SEC14L1: variants seen among roughly 807,000 people sequenced by gnomAD.
The protein encoded by SEC14L1 is SEC14 like lipid binding 1, also known as SEC14-like protein 1.
In SEC14L1, 48 loss-of-function variants were observed where a neutral mutation model predicts 85.3. The observed-to-expected ratio is 0.56, with a 90% CI of 0.45 to 0.72. SEC14L1 has a LOEUF of 0.72. Among genes scored for constraint, SEC14L1 ranks in the 30% least tolerant of loss-of-function variants. The pLI is 0.00. For synonymous variants in SEC14L1, 391 were observed against 355.5 expected (o/e 1.10, Z -1.12); for missense variants, 682 against 921.4 (o/e 0.74, Z 3.36).
Position 77,206,314 on chromosome 17 carries a change from G to A in SEC14L1, c.1255G>A (p.Glu419Lys), listed in dbSNP as rs765876596. ...PGVKALLRIIEVVEANYPETL... is the reference protein window; with the variant it reads ...PGVKALLRIIKVVEANYPETL... ...TGTGAAAGCGCTGCTGCGGATCATC[G>A]AGGTGGTGGAGGCCAACTACCCTGA... is the stretch of plus-strand genomic sequence containing the variant. Residue 419 changes from glutamate (E) to lysine (K), a missense_variant, in exon 12 of 17, where the codon GAG (glutamate) becomes AAG (lysine). Glu to Lys is a moderately conservative substitution (Grantham distance 56). Around this residue, in one of 3 missense-constraint regions of SEC14L1, gnomAD observed 420 missense variants for 619.5 expected, o/e 0.68. Transcript: ENST00000436233. This position sits in a 1 kb window ranked among gnomAD's most constrained non-coding sequence, Gnocchi z 4.3. 6.2e-7 allele frequency: 1 copy of A among 1,613,982 alleles called. No individual in the cohort carries two copies. The highest frequency in any genetic ancestry group is 1.3e-5 in the African/African-American group (1 of 74,892).
At position 77,200,487 on chromosome 17, in the gene SEC14L1, C is replaced by G. The variant is rs369833306; in HGVS notation, c.823C>G (p.Pro275Ala). Residue 275 changes from proline to alanine, a missense_variant, in exon 9 of 17, where the codon CCA (proline) becomes GCA (alanine). By Grantham distance (27) the Pro-to-Ala change is conservative. Coordinates refer to ENST00000436233, the MANE Select transcript of SEC14L1 (RefSeq NM_001143998.2). ...WLQETHKGKI[P>A]KDEHILRFLR... Reference sequence around the variant, plus strand: ...AAATGTCTTTTTCTCTTAATAGATTCCAAAAGATGAGCATATTCTTCGGTT... The same window carrying G: ...AAATGTCTTTTTCTCTTAATAGATTGCAAAAGATGAGCATATTCTTCGGTT... 92 of 1,611,926 alleles carry G rather than the reference C, an allele frequency of 5.7e-5. No individual in the cohort carries two copies. The highest frequency in any genetic ancestry group is 7.5e-5 in the Non-Finnish European group (89 of 1,178,982).
At chr17:77,164,497 G>A (rs1350321601) in intron 3 of SEC14L1, among the ~76,000 whole-genome samples, 2 of 152,076 alleles carry the variant, frequency 1.3e-5, no homozygotes, top group Non-Finnish European at 2.9e-5. Flanking sequence ...CCCCTTTGTT[G>A]GTGGCTTTCC....
upstream of SEC14L1, among the ~76,000 whole-genome samples, chr17:77,137,009 A>G (rs1300546107): frequency 2.0e-5 from 3 of 151,298 alleles, no homozygotes; most frequent in Non-Finnish European, 2.9e-5. Context: ...TCCCAGGTTC[A>G]AGCAATTCTC....
chr17:77,122,467 A>G (rs903604212), intron 3 of SEC14L1, among the ~76,000 whole-genome samples: 1 of 152,038 alleles, frequency 6.6e-6, no homozygotes, highest in African/African-American at 2.4e-5. Flanking sequence ...ACATCCAGCT[A>G]CTTTTTTTAT....
intron 3 of SEC14L1, among the ~76,000 whole-genome samples, chr17:77,129,143 G>C (rs965913098): frequency 6.6e-6 from 1 of 152,084 alleles, no homozygotes; most frequent in South Asian, 2.1e-4. Context: ...AGAACATTCC[G>C]GAGGCAAAGC....
intron 3 of SEC14L1, among the ~76,000 whole-genome samples, chr17:77,120,482 C>CT (rs111513781): frequency 0.02 from 2,901 of 143,352 alleles, 76 homozygotes; most frequent in African/African-American, 0.057. Flanking sequence ...TCTCCACATT[C>CT]TTTTTTTTTT....
intron 3 of SEC14L1, among the ~76,000 whole-genome samples, chr17:77,187,890 A>G (rs926938623): frequency 6.6e-6 from 1 of 151,728 alleles, no homozygotes; most frequent in Non-Finnish European, 1.5e-5. Flanking sequence ...AACTACAGGC[A>G]TGTACCACCA....
intron 8 of SEC14L1, among the ~76,000 whole-genome samples, chr17:77,199,985 A>G (rs1362595780): frequency 1.3e-5 from 2 of 152,170 alleles, no homozygotes; most frequent in Middle Eastern, 3.2e-3. Flanking sequence ...CCTGGGCAAC[A>G]TGGGGAAACC....
intron 3 of SEC14L1, among the ~76,000 whole-genome samples, chr17:77,182,879 G>A (rs1160656381): frequency 1.3e-5 from 2 of 152,220 alleles, no homozygotes; most frequent in Non-Finnish European, 2.9e-5. Flanking sequence ...AGTCCAGGTT[G>A]CTGGCTTTGC....
At chr17:77,180,768 C>T (rs1335457566) in intron 3 of SEC14L1, among the ~76,000 whole-genome samples, 2 of 152,158 alleles carry the variant, frequency 1.3e-5, no homozygotes, top group African/African-American at 2.4e-5. Flanking sequence ...GACGGGTATG[C>T]CGTAACTGCT....
chr17:77,209,236 A>T, intron 13 of SEC14L1, 106 bp from the exon 14 acceptor site: 1 of 1,370,220 alleles, frequency 7.3e-7, no homozygotes, highest in Non-Finnish European at 1.0e-6. Flanking sequence ...TTTTCTCAGC[A>T]ACCTCCAGAA....
upstream of SEC14L1, among the ~76,000 whole-genome samples, chr17:77,139,498 AT>A (rs34187673): frequency 0.6 from 78,910 of 132,448 alleles, 23,645 homozygotes; most frequent in East Asian, 0.78. Context: ...GGTGGATGTG[AT>A]TTTTTTTTTT....
intron 3 of SEC14L1, among the ~76,000 whole-genome samples, chr17:77,115,468 C>T (rs1972150027): frequency 6.6e-6 from 1 of 152,138 alleles, no homozygotes; most frequent in African/African-American, 2.4e-5. Flanking sequence ...AGCCCTTCTG[C>T]TTTTCCTTTG....
At chr17:77,203,724 T>G in intron 10 of SEC14L1, 66 bp downstream of exon 10, 1 of 1,264,852 alleles carries the variant, frequency 7.9e-7, no homozygotes, top group Non-Finnish European at 1.1e-6. Context: ...GCCAGTAGGA[T>G]TGGGGTGTTA....
At chr17:77,100,199 C>A (rs974874509) in intron 3 of SEC14L1, among the ~76,000 whole-genome samples, 1 of 152,206 alleles carries the variant, frequency 6.6e-6, no homozygotes, top group East Asian at 1.9e-4. Context: ...CTGACCTCTT[C>A]CTGGTAGATG....
In SEC14L1 at chr17:77,185,181, G is replaced by A. The variant is rs145469179; in HGVS notation, c.64-5622G>A. 1.1e-4 allele frequency: 108 copies of A among 984,596 alleles called. No individual in the cohort carries two copies. The East Asian group carries it at 6.0e-3, about 55-fold the overall frequency. 61.0% of individuals were successfully genotyped at this position (984,596 alleles called of 1,614,324 possible). The stretch of plus-strand genomic sequence containing the variant: ...TAGGCATTGAAGTCCTCGTTCTCCT[G>A]AGGATAAAAAGTCTCTGCCCTGCAG... On this transcript the variant is annotated intron_variant, in intron 3 of 16. Coordinates refer to ENST00000436233, the MANE Select transcript of SEC14L1 (RefSeq NM_001143998.2).
intron 3 of SEC14L1, among the ~76,000 whole-genome samples, chr17:77,121,549 G>T (rs987179638): frequency 1.3e-5 from 2 of 152,126 alleles, no homozygotes; most frequent in Non-Finnish European, 2.9e-5. Flanking sequence ...AGTAGAGACA[G>T]GGTTTCACCA....
intron 2 of SEC14L1, among the ~76,000 whole-genome samples, chr17:77,090,668 A>G (rs907358158): frequency 4.0e-5 from 6 of 151,820 alleles, no homozygotes; most frequent in African/African-American, 1.5e-4. Context: ...CCCAGAAAGC[A>G]AAGTGGAGAA....
chr17:77,116,201 T>G (rs940231487), intron 3 of SEC14L1, among the ~76,000 whole-genome samples: 1 of 152,210 alleles, frequency 6.6e-6, no homozygotes, highest in Non-Finnish European at 1.5e-5. Flanking sequence ...ATTATAGGGA[T>G]GAGCCACCAC....
Sources: allele counts gnomAD v4.1 joint callset (sites outside exome capture counted in the v4.1 genomes callset), GRCh38; gene constraint gnomAD v4.1.1; regional missense constraint gnomAD v4.1.1; non-coding constraint Gnocchi (gnomAD v3.1); transcripts MANE v1.5; gene names NCBI Gene and HGNC (gene_info 2026-07-23, HGNC 2026-07-21).